Variants in TYW1 observed in about 807,000 individuals in gnomAD.
The protein encoded by TYW1 is tRNA-yW synthesizing protein 1 homolog.
A neutral mutation model predicts 96.2 loss-of-function variants in TYW1; 46 were observed. That is an observed-to-expected ratio of 0.48 (90% confidence interval 0.38 to 0.61). The LOEUF is 0.61. TYW1 is among the 20% of genes least tolerant of loss of function. The pLI is 0.00. For missense variants in TYW1, 684 were observed against 909.6 expected (o/e 0.75, Z 3.19); for synonymous variants, 274 against 323.0 (o/e 0.85, Z 1.63).
intron 8 of TYW1, among the ~76,000 whole-genome samples, 195 bp from the exon 9 acceptor site, chr7:67,055,640 A>G (rs992872192): frequency 7.3e-5 from 11 of 150,958 alleles, no homozygotes; most frequent in African/African-American, 2.7e-4. Context: ...TTTTGAGTCT[A>G]TATTATTAGA....
chr7:67,092,142 C>T (rs1796740791), intron 11 of TYW1, among the ~76,000 whole-genome samples: 1 of 152,160 alleles, frequency 6.6e-6, no homozygotes, highest in South Asian at 2.1e-4. Context: ...AATCATTGAA[C>T]CCTCTCACTT....
chr7:67,119,871 T>TCCAACTCCTGGG (rs1173261600), intron 13 of TYW1, among the ~76,000 whole-genome samples: 1 of 152,098 alleles, frequency 6.6e-6, no homozygotes, highest in Non-Finnish European at 1.5e-5. Flanking sequence ...CACTGGAGCC[T>TCCAACTCCTGGG]CCAACTCCTG....
chr7:67,208,163 A>G lies in TYW1; in HGVS notation c.1977+12826A>G, dbSNP rs188668232. Reference sequence around the variant, plus strand: ...GGCAATGTAATGAAACCCCATCTCTACAAAAATTAGCCAGATGTGGTGGCG... The same window carrying G: ...GGCAATGTAATGAAACCCCATCTCTGCAAAAATTAGCCAGATGTGGTGGCG... On this transcript the variant is annotated intron_variant, in intron 15 of 15. Transcript: ENST00000359626. Among the ~76,000 whole-genome samples the G allele has an allele frequency of 1.9e-4, 29 of 152,032 alleles. No individual in the cohort carries two copies. In the East Asian group the frequency reaches 5.3e-3, roughly 28 times the overall value.
intron 14 of TYW1, among the ~76,000 whole-genome samples, chr7:67,192,027 C>T (rs185115057): frequency 0.013 from 2,011 of 151,618 alleles, 48 homozygotes; most frequent in African/African-American, 0.046. Flanking sequence ...TCCCAAGTAG[C>T]TGGGATTACA....
chr7:67,238,771 TATTTTGGGGAGGAA>T lies in TYW1; in HGVS notation c.*243_*256del, dbSNP rs1387133909. Reference sequence around the variant, plus strand: ...CTGATTTTACTTCTAAGAGGAAAATTATTTTGGGGAGGAACTACACAGTCGTGATTAGAATTTAT... The same window carrying T: ...CTGATTTTACTTCTAAGAGGAAAATTCTACACAGTCGTGATTAGAATTTAT... On this transcript the variant is annotated 3_prime_UTR_variant, in exon 16 of 16. Transcript: ENST00000359626. 1 of 1,346,564 alleles carries T rather than the reference TATTTTGGGGAGGAA, an allele frequency of 7.4e-7. No individual in the cohort carries two copies. The highest frequency in any genetic ancestry group is 1.5e-5 in the African/African-American group (1 of 68,166). 83.4% of individuals were successfully genotyped at this position (1,346,564 alleles called of 1,614,324 possible).
chr7:67,220,018 C>T (rs13229455), intron 15 of TYW1, among the ~76,000 whole-genome samples: 37,936 of 147,328 alleles, frequency 0.26, 5,187 homozygotes, highest in African/African-American at 0.34. Flanking sequence ...GCTATAAGTT[C>T]TTACCTTAGC....
chr7:67,192,857 T>G (rs1329731282), intron 14 of TYW1, among the ~76,000 whole-genome samples: 1 of 152,126 alleles, frequency 6.6e-6, no homozygotes, highest in East Asian at 1.9e-4. Context: ...GGCAGTGATT[T>G]TATTAGGGGA....
chr7:67,194,066 C>T (rs1238967737), intron 14 of TYW1, among the ~76,000 whole-genome samples: 2 of 151,932 alleles, frequency 1.3e-5, no homozygotes, highest in Non-Finnish European at 2.9e-5. Flanking sequence ...GAAAATTAAT[C>T]ATTTTACCAT....
chr7:67,181,007 T>A (rs1395752688), intron 13 of TYW1, among the ~76,000 whole-genome samples: 6 of 152,156 alleles, frequency 3.9e-5, no homozygotes, highest in African/African-American at 7.2e-5. Context: ...GTGGATTTTT[T>A]TTTTTTAATG....
intron 15 of TYW1, among the ~76,000 whole-genome samples, chr7:67,213,782 C>T (rs1419156468): frequency 6.6e-6 from 1 of 152,204 alleles, no homozygotes; most frequent in African/African-American, 2.4e-5. Flanking sequence ...ATCATTTCTT[C>T]ATTAAATTAC....
At chr7:67,135,326 A>G (rs1179640123) in intron 13 of TYW1, among the ~76,000 whole-genome samples, 1 of 74,518 alleles carries the variant, frequency 1.3e-5, no homozygotes, top group Non-Finnish European at 2.6e-5. Context: ...TTTTTTTGAG[A>G]CAGTCTCTCA....
At chr7:67,219,519 C>A (rs1212446014) in intron 15 of TYW1, among the ~76,000 whole-genome samples, 2 of 152,170 alleles carry the variant, frequency 1.3e-5, no homozygotes, top group African/African-American at 4.8e-5. Context: ...AGGTCCAGGG[C>A]TATTCTTCGT....
At chr7:67,106,954 T>C (rs1438075253) in intron 12 of TYW1, among the ~76,000 whole-genome samples, 2 of 152,230 alleles carry the variant, frequency 1.3e-5, no homozygotes, top group Non-Finnish European at 2.9e-5. Context: ...ATTGAAACTA[T>C]GTAGGAACTT....
At position 67,015,088 on chromosome 7, in the gene TYW1, G is replaced by A. The variant is rs1404152461; in HGVS notation, c.570+527G>A. On this transcript the variant is annotated intron_variant, in intron 5 of 15. Coordinates refer to ENST00000359626, the MANE Select transcript of TYW1 (RefSeq NM_018264.4). ...GGGATCTCAGCTGACTGCAACCTCCGCCTCCCGGGTTCAAGCGGTTCTCAT... is the reference window on the plus strand; with the variant it reads ...GGGATCTCAGCTGACTGCAACCTCCACCTCCCGGGTTCAAGCGGTTCTCAT... Among the ~76,000 whole-genome samples the A allele has an allele frequency of 4.0e-5, 6 of 149,896 alleles. 1 individual carries two copies. The highest frequency in any genetic ancestry group is 4.2e-4 in the South Asian group (2 of 4,738).
At chr7:67,218,403 T>C (rs1801271334) in intron 15 of TYW1, among the ~76,000 whole-genome samples, 1 of 151,830 alleles carries the variant, frequency 6.6e-6, no homozygotes, top group South Asian at 2.1e-4. Flanking sequence ...GCTCAGGCTC[T>C]AGTGCAGTGG....
intron 10 of TYW1, among the ~76,000 whole-genome samples, chr7:67,069,083 C>T (rs1795957785): frequency 6.6e-6 from 1 of 150,906 alleles, no homozygotes; most frequent in African/African-American, 2.4e-5. Context: ...TTTTTTTTTC[C>T]AGTTATTCCT....
intron 13 of TYW1, among the ~76,000 whole-genome samples, chr7:67,174,529 A>G (rs1411554598): frequency 6.6e-6 from 1 of 151,346 alleles, no homozygotes; most frequent in African/African-American, 2.4e-5. Context: ...ATGCCTACTT[A>G]GTAAAGGAAA....
chr7:67,097,647 C>G (rs1007197598), intron 11 of TYW1, among the ~76,000 whole-genome samples: 3 of 152,152 alleles, frequency 2.0e-5, no homozygotes, highest in Non-Finnish European at 4.4e-5. Flanking sequence ...ATCTGCCCAC[C>G]TTGGCCTCCC....
chr7:67,133,614 CA>C lies in TYW1; in HGVS notation c.1698+16011del, dbSNP rs1224801455. 2.8e-3 allele frequency among the ~76,000 whole-genome samples: 157 copies of C among 56,804 alleles called. 1 individual carries two copies. The highest frequency in any genetic ancestry group is 2.5e-3 in the Admixed American group (13 of 5,150). The allele number at this position is 56,804 out of a possible 152,430, so 37.3% of individuals were successfully genotyped here. ...TTGGCGGCTGAGCGAGTTTCCATCT[CA>C]AAAAAAAAAAAAAAGAAAAAAAAAA... On this transcript the variant is annotated intron_variant, in intron 13 of 15. Transcript: ENST00000359626.
Sources: gnomAD v4.1 joint callset for allele counts (sites outside exome capture counted in the v4.1 genomes callset) on GRCh38, gnomAD v4.1.1 for gene constraint, MANE v1.5 for transcripts, NCBI Gene and HGNC (gene_info 2026-07-23, HGNC 2026-07-21) for gene names.